Variants in ATP8B4 observed in about 807,000 individuals in gnomAD.
ATP8B4 encodes probable phospholipid-transporting ATPase IM.
A neutral mutation model predicts 145.6 loss-of-function variants in ATP8B4; 133 were observed. That is an observed-to-expected ratio of 0.91 (90% CI 0.79 to 1.05). ATP8B4 has a LOEUF of 1.05. Ranked by LOEUF, ATP8B4 falls within the 50% of genes least tolerant of loss-of-function variation. ATP8B4 has a pLI of 0.00. For missense variants in ATP8B4, 1,458 were observed against 1,425.2 expected (o/e 1.02, Z -0.37); for synonymous variants, 507 against 492.9 (o/e 1.03, Z -0.38).
At chr15:50,006,474 G>A (rs1207336321) in intron 7 of ATP8B4, among the ~76,000 whole-genome samples, 1 of 140,390 alleles carries the variant, frequency 7.1e-6, no homozygotes, top group Non-Finnish European at 1.5e-5. Flanking sequence ...AGAGCAATGA[G>A]GGCAATGAGA....
chr15:50,001,433 G>A (rs1398942526), intron 8 of ATP8B4, among the ~76,000 whole-genome samples: 2 of 152,142 alleles, frequency 1.3e-5, no homozygotes, highest in Non-Finnish European at 2.9e-5. Context: ...CATGGACTCT[G>A]GTGTCAGACT....
At chr15:50,102,120 A>G (rs535376342) in intron 2 of ATP8B4, among the ~76,000 whole-genome samples, 3 of 152,266 alleles carry the variant, frequency 2.0e-5, no homozygotes, top group African/African-American at 7.2e-5. Context: ...TCATAGCATT[A>G]AATGCCTACA....
chr15:49,910,977 T>C (rs952965259), intron 20 of ATP8B4, among the ~76,000 whole-genome samples: 2 of 151,966 alleles, frequency 1.3e-5, no homozygotes, highest in Non-Finnish European at 2.9e-5. Flanking sequence ...AACTCACTGG[T>C]AAAGCAAACA....
chr15:50,115,829 A>C (rs1595611743), intron 1 of ATP8B4, among the ~76,000 whole-genome samples: 1 of 152,296 alleles, frequency 6.6e-6, no homozygotes, highest in East Asian at 1.9e-4. Context: ...CGTTATCCCC[A>C]TTTTATAGAT....
chr15:49,998,393 C>G (rs1183725261), intron 8 of ATP8B4, among the ~76,000 whole-genome samples: 2 of 152,166 alleles, frequency 1.3e-5, no homozygotes, highest in Non-Finnish European at 2.9e-5. Flanking sequence ...ACATCCTCTC[C>G]AGCACCTGTT....
In ATP8B4 at chr15:50,170,825, A is replaced by C. The variant is rs28870818; in HGVS notation, c.-43+11436T>G. ...TGCTTTCAGGAGACTCACCTAACACATAAGGACTCACATAAACTTACAGTA... is the reference window on the plus strand; with the variant it reads ...TGCTTTCAGGAGACTCACCTAACACCTAAGGACTCACATAAACTTACAGTA... On this transcript the variant is annotated intron_variant, in intron 1 of 3. Coordinates refer to the ATP8B4 transcript ENST00000558829. Among the ~76,000 whole-genome samples the C allele has an allele frequency of 3.4e-3, 515 of 152,332 alleles. 4 individuals carry two copies. The highest frequency in any genetic ancestry group is 0.012 in the African/African-American group (488 of 41,582).
In ATP8B4 at chr15:49,908,203, A is replaced by C. The variant is rs555662980; in HGVS notation, c.2142-6964T>G. On this transcript the variant is annotated intron_variant, in intron 20 of 27. Transcript: ENST00000284509. ...TTTAGCAACAGGCTTATTAAAATCT[A>C]GATCTGTTTGCATCTATCTTCCTTC... 1.1e-4 allele frequency: 46 copies of C among 428,800 alleles called. No individual in the cohort carries two copies. The Admixed American group carries it at 1.2e-3, about 11-fold the overall frequency. The allele number at this position is 428,800 out of a possible 1,614,324, so 26.6% of individuals were successfully genotyped here.
chr15:49,941,126 A>G (rs1337010491), intron 14 of ATP8B4, among the ~76,000 whole-genome samples: 1 of 152,192 alleles, frequency 6.6e-6, no homozygotes, highest in South Asian at 2.1e-4. Flanking sequence ...TAAAGGGAGA[A>G]GAGTCAAGAT....
chr15:49,876,991 G>C (rs542667160), intron 24 of ATP8B4, among the ~76,000 whole-genome samples: 1 of 152,208 alleles, frequency 6.6e-6, no homozygotes, highest in South Asian at 2.1e-4. Flanking sequence ...TCAAATCAGA[G>C]CTCATGACTT....
At chr15:50,037,169 A>G (rs1278744545) in intron 6 of ATP8B4, among the ~76,000 whole-genome samples, 3 of 152,232 alleles carry the variant, frequency 2.0e-5, no homozygotes, top group African/African-American at 7.2e-5. Context: ...AAGATATGCT[A>G]GAGTTATTAG....
At chr15:50,041,242 T>C (rs1322100620) in intron 5 of ATP8B4, among the ~76,000 whole-genome samples, 1 of 152,232 alleles carries the variant, frequency 6.6e-6, no homozygotes, top group Non-Finnish European at 1.5e-5. Context: ...AAAGATGCCA[T>C]TGCTCAAATG....
chr15:50,056,762 CTA>C (rs2052637945), intron 3 of ATP8B4, among the ~76,000 whole-genome samples: 1 of 149,920 alleles, frequency 6.7e-6, no homozygotes, highest in African/African-American at 2.5e-5. Context: ...AATATAATAT[CTA>C]TATTATCTAT....
At chr15:50,095,321 A>G (rs1163847429) in intron 2 of ATP8B4, among the ~76,000 whole-genome samples, 1 of 152,200 alleles carries the variant, frequency 6.6e-6, no homozygotes, top group Non-Finnish European at 1.5e-5. Context: ...GCATGTGGCA[A>G]AATGAGAGAG....
At chr15:49,920,529 G>T in intron 17 of ATP8B4, 119 bp from the exon 18 acceptor site, 1 of 1,126,208 alleles carries the variant, frequency 8.9e-7, no homozygotes, top group Non-Finnish European at 1.2e-6. Context: ...CAAGAGCACT[G>T]CTTGGCTATC....
At chr15:49,971,382 A>T (rs1049408781) in intron 13 of ATP8B4, among the ~76,000 whole-genome samples, 1 of 152,160 alleles carries the variant, frequency 6.6e-6, no homozygotes, top group African/African-American at 2.4e-5. Flanking sequence ...CTGACAAAGG[A>T]CTAATATCCA....
chr15:49,926,630 G>A (rs2040750822), intron 16 of ATP8B4, among the ~76,000 whole-genome samples: 1 of 152,108 alleles, frequency 6.6e-6, no homozygotes, highest in Admixed American at 6.5e-5. Context: ...CTTGGAGGCA[G>A]CCACATAGAA....
intron 2 of ATP8B4, among the ~76,000 whole-genome samples, chr15:50,102,092 C>T (rs796278528): frequency 9.3e-5 from 14 of 151,252 alleles, no homozygotes; most frequent in East Asian, 5.8e-4. Flanking sequence ...ACAGCAAAAG[C>T]GGTGCTAAGA....
intron 14 of ATP8B4, among the ~76,000 whole-genome samples, chr15:49,942,418 G>A (rs754594086): frequency 6.6e-6 from 1 of 151,878 alleles, no homozygotes; most frequent in Non-Finnish European, 1.5e-5. Flanking sequence ...ACTTGGGGAG[G>A]AGGTATTTAG....
intron 20 of ATP8B4, among the ~76,000 whole-genome samples, chr15:49,911,853 G>T (rs988675155): frequency 2.0e-5 from 3 of 151,876 alleles, no homozygotes; most frequent in African/African-American, 7.3e-5. Context: ...AGACCACAAT[G>T]GAATGAAACT....
Sources: allele counts gnomAD v4.1 joint callset (sites outside exome capture counted in the v4.1 genomes callset), GRCh38; gene constraint gnomAD v4.1.1; transcripts MANE v1.5; gene names NCBI Gene and HGNC (gene_info 2026-07-23, HGNC 2026-07-21).